The following SLC44A5 variants were observed in gnomAD, a reference collection of about 807,000 sequenced individuals.
SLC44A5 encodes the protein solute carrier family 44 member 5.
Under a neutral mutation model 101.8 loss-of-function variants are expected in SLC44A5, and 57 were observed. That is an observed-to-expected ratio of 0.56 (90% CI 0.45 to 0.70). SLC44A5 has a LOEUF of 0.70. Among genes scored for constraint, SLC44A5 ranks in the 30% least tolerant of loss-of-function variants. SLC44A5 has a pLI of 0.00. For missense variants in SLC44A5, 737 were observed against 853.1 expected, an observed-to-expected ratio of 0.86 and a Z score of 1.70; for synonymous variants, 281 against 290.9, an observed-to-expected ratio of 0.97 and a Z score of 0.35.
the SLC44A5 span, among the ~76,000 whole-genome samples, chr1:75,677,298 C>T: frequency 1.3e-5 from 2 of 151,974 alleles, no homozygotes; most frequent in African/African-American, 4.8e-5. Context: ...CTTTTCAAGA[C>T]ATAGATAGTA....
At chr1:75,302,388 G>A (rs745560006) in intron 4 of SLC44A5, among the ~76,000 whole-genome samples, 1 of 152,038 alleles carries the variant, frequency 6.6e-6, no homozygotes. Flanking sequence ...CAGGAAGCTG[G>A]AGAGAGGGAT....
chr1:75,536,697 T>C (rs1466551307), intron 2 of SLC44A5, among the ~76,000 whole-genome samples: 2 of 149,912 alleles, frequency 1.3e-5, no homozygotes, highest in African/African-American at 4.9e-5. Context: ...TTCTCCCATT[T>C]TCTTTTTACT....
the SLC44A5 span, among the ~76,000 whole-genome samples, chr1:75,701,817 T>C: frequency 6.6e-6 from 1 of 152,160 alleles, no homozygotes; most frequent in Non-Finnish European, 1.5e-5. Flanking sequence ...AGTCTCAGGA[T>C]ACAAAATCAA....
At chr1:75,492,724 T>C (rs1668486982) in intron 2 of SLC44A5, among the ~76,000 whole-genome samples, 1 of 152,198 alleles carries the variant, frequency 6.6e-6, no homozygotes, top group Non-Finnish European at 1.5e-5. Flanking sequence ...GCCATGTTCT[T>C]AGTCTCTGGG....
intron 4 of SLC44A5, among the ~76,000 whole-genome samples, chr1:75,336,306 A>G (rs1657439421): frequency 6.6e-6 from 1 of 151,946 alleles, no homozygotes; most frequent in African/African-American, 2.4e-5. Flanking sequence ...GGCACGCACC[A>G]CCACACCCGG....
chr1:75,646,118 C>CT, the SLC44A5 span, among the ~76,000 whole-genome samples: 2 of 135,036 alleles, frequency 1.5e-5, no homozygotes, highest in Non-Finnish European at 3.3e-5. Flanking sequence ...AATATGGGCT[C>CT]TTTTTTGGTT....
the SLC44A5 span, among the ~76,000 whole-genome samples, chr1:75,682,904 A>T: frequency 8.1e-4 from 124 of 152,220 alleles, 1 homozygote; most frequent in Middle Eastern, 6.8e-3. Context: ...CAAACAAATT[A>T]ACAAGAAAAA....
At chr1:75,240,557 A>C (rs887461185) in intron 9 of SLC44A5, among the ~76,000 whole-genome samples, 1 of 152,070 alleles carries the variant, frequency 6.6e-6, no homozygotes, top group East Asian at 1.9e-4. Context: ...ATCCTTTTGC[A>C]TAAAAATTTA....
At chr1:75,266,547 A>G in intron 6 of SLC44A5, among the ~76,000 whole-genome samples, 1 of 152,218 alleles carries the variant, frequency 6.6e-6, no homozygotes, top group East Asian at 1.9e-4. Flanking sequence ...AACCTTAACA[A>G]GTATTTTAAC....
At chr1:75,699,281 C>T in the SLC44A5 span, among the ~76,000 whole-genome samples, 1 of 152,164 alleles carries the variant, frequency 6.6e-6, no homozygotes, top group South Asian at 2.1e-4. Flanking sequence ...CAAAGGGAAG[C>T]CCATCAGACT....
intron 2 of SLC44A5, among the ~76,000 whole-genome samples, chr1:75,502,132 A>C (rs984985023): frequency 6.6e-6 from 1 of 152,212 alleles, no homozygotes; most frequent in African/African-American, 2.4e-5. Context: ...CAACAGAAGA[A>C]AGGCCGCAAT....
At chr1:75,441,436 A>G (rs1665190754) in intron 2 of SLC44A5, among the ~76,000 whole-genome samples, 1 of 152,062 alleles carries the variant, frequency 6.6e-6, no homozygotes, top group African/African-American at 2.4e-5. Flanking sequence ...GGAGAAAACA[A>G]ATTAATATAA....
At chr1:75,205,979 C>CAGAA (rs1342590065) in intron 23 of SLC44A5, 1 of 152,104 alleles carries the variant, frequency 6.6e-6, no homozygotes, top group African/African-American at 2.4e-5. Flanking sequence ...TTCACTAAAA[C>CAGAA]AGAATGGGCT....
chr1:75,346,585 A>T (rs1176615105), intron 3 of SLC44A5, among the ~76,000 whole-genome samples: 1 of 152,198 alleles, frequency 6.6e-6, no homozygotes, highest in Non-Finnish European at 1.5e-5. Flanking sequence ...GTGCTATAGA[A>T]CAGCCATGAA....
At chr1:75,577,479 C>T (rs1673438284) in intron 1 of SLC44A5, among the ~76,000 whole-genome samples, 1 of 152,176 alleles carries the variant, frequency 6.6e-6, no homozygotes, top group Non-Finnish European at 1.5e-5. Context: ...CTGGGCCTTT[C>T]TTCTTCCAGA....
At chr1:75,370,785 A>G (rs1445315180) in intron 3 of SLC44A5, among the ~76,000 whole-genome samples, 1 of 152,206 alleles carries the variant, frequency 6.6e-6, no homozygotes, top group Non-Finnish European at 1.5e-5. Flanking sequence ...GGGGTGTCAG[A>G]GAGATGGAGA....
chr1:75,535,979 C>T (rs902594088), intron 2 of SLC44A5, among the ~76,000 whole-genome samples: 2 of 145,006 alleles, frequency 1.4e-5, no homozygotes, highest in East Asian at 2.1e-4. Context: ...GAGGCGGAGG[C>T]GGGAGGATTG....
the SLC44A5 span, among the ~76,000 whole-genome samples, chr1:75,677,477 G>C: frequency 6.6e-6 from 1 of 151,812 alleles, no homozygotes; most frequent in Non-Finnish European, 1.5e-5. Context: ...ACATAAAACA[G>C]ATACACAAAG....
intron 4 of SLC44A5, among the ~76,000 whole-genome samples, chr1:75,322,945 T>A (rs1656282234): frequency 2.6e-5 from 4 of 152,164 alleles, no homozygotes; most frequent in South Asian, 4.1e-4. Flanking sequence ...ATGTTCTTTT[T>A]TTATTATTAT....
Sources: gnomAD v4.1 joint callset for allele counts (sites outside exome capture counted in the v4.1 genomes callset) on GRCh38, gnomAD v4.1.1 for gene constraint, MANE v1.5 for transcripts, NCBI Gene and HGNC (gene_info 2026-07-23, HGNC 2026-07-21) for gene names.